The following NHS variants were observed in gnomAD, a reference collection of about 807,000 sequenced individuals.
The protein encoded by NHS is NHS actin remodeling regulator.
Under a neutral mutation model 72.5 loss-of-function variants are expected in NHS, and 5 were observed. The observed-to-expected ratio is 0.07, with a 90% CI of 0.04 to 0.14. NHS has a LOEUF of 0.14. Ranked by LOEUF, NHS falls within the 10% of genes least tolerant of loss-of-function variation. NHS has a pLI of 1.00. For synonymous variants in NHS, 464 were observed against 547.7 expected (o/e 0.85, Z 2.13); for missense variants, 1,072 against 1,355.7 (o/e 0.79, Z 3.29).
At position 17,403,025 on chromosome X, in the gene NHS, C is replaced by G. The variant is rs150881413; in HGVS notation, c.565+26703C>G. ...TGTCTGATCTTGGTCAGGTGACCATCCTCAATGGCTCTCCTCCAAATAGTG... is the reference window on the plus strand; with the variant it reads ...TGTCTGATCTTGGTCAGGTGACCATGCTCAATGGCTCTCCTCCAAATAGTG... On this transcript the variant is annotated intron_variant, in intron 1 of 8. Transcript: ENST00000676302. 3.3e-3 allele frequency among the ~76,000 whole-genome samples: 373 copies of G among 112,036 alleles called. 1 individual carries two copies. The highest frequency in any genetic ancestry group is 0.012 in the African/African-American group (363 of 30,860).
chrX:17,646,759 C>G (rs1244261259), intron 1 of NHS, among the ~76,000 whole-genome samples: 1 of 112,119 alleles, frequency 8.9e-6, no homozygotes, highest in African/African-American at 3.2e-5. Flanking sequence ...AAAACATCCC[C>G]TTTTCTGGAA....
intron 1 of NHS, among the ~76,000 whole-genome samples, chrX:17,491,603 A>G (rs1298475332): frequency 9.0e-6 from 1 of 111,139 alleles, no homozygotes; most frequent in Non-Finnish European, 1.9e-5. Flanking sequence ...TGTCTTTGCC[A>G]GGCTTTGGTA....
At chrX:17,435,017 G>A (rs1021592966) in intron 1 of NHS, among the ~76,000 whole-genome samples, 1 of 112,106 alleles carries the variant, frequency 8.9e-6, no homozygotes, top group Non-Finnish European at 1.9e-5. Context: ...CACCCAAAAG[G>A]AGGCATATGA....
At chrX:17,590,818 C>T (rs140350560) in intron 1 of NHS, among the ~76,000 whole-genome samples, 1 of 111,367 alleles carries the variant, frequency 9.0e-6, no homozygotes, top group African/African-American at 3.3e-5. Flanking sequence ...CACATCCCCC[C>T]CAACACACAC....
rs761292762 is a variant in NHS, at chrX:17,549,558, GC to G, written c.566-138182del. Among the ~76,000 whole-genome samples the G allele has an allele frequency of 3.6e-5, 4 of 111,957 alleles. No individual in the cohort carries two copies. In the East Asian group the frequency reaches 8.5e-4, roughly 24 times the overall value. ...CATCCCAGCACTCAATGGCATTACA[GC>G]CAGCTTTTCACAGCAGCGGTGGGTG... On this transcript the variant is annotated intron_variant, in intron 1 of 8. Coordinates refer to ENST00000676302, the MANE Select transcript of NHS (RefSeq NM_001291867.2).
chrX:17,489,913 G>T lies in NHS; in HGVS notation c.565+113591G>T, dbSNP rs192288467. ...GCTTTTTTTAATATGTTTGTTGGCCGTATAAATGTCTTCTTTTGAGAAGTG... is the reference window on the plus strand; with the variant it reads ...GCTTTTTTTAATATGTTTGTTGGCCTTATAAATGTCTTCTTTTGAGAAGTG... On this transcript the variant is annotated intron_variant, in intron 1 of 8. Coordinates refer to ENST00000676302, the MANE Select transcript of NHS (RefSeq NM_001291867.2). Among the ~76,000 whole-genome samples the T allele has an allele frequency of 4.4e-4, 49 of 112,143 alleles. No homozygotes were observed. The East Asian group carries it at 0.011, about 24-fold the overall frequency.
At chrX:17,499,642 C>A (rs923330207) in intron 1 of NHS, among the ~76,000 whole-genome samples, 3 of 111,138 alleles carry the variant, frequency 2.7e-5, no homozygotes, top group African/African-American at 9.8e-5. Context: ...CTGAATGGGG[C>A]ACAGGACACT....
intron 1 of NHS, among the ~76,000 whole-genome samples, chrX:17,553,280 C>G (rs1230942046): frequency 8.9e-6 from 1 of 112,788 alleles, no homozygotes; most frequent in African/African-American, 3.2e-5. Flanking sequence ...AAGGCCCTGC[C>G]CTCCCAGTGG....
At chrX:17,652,116 A>G (rs756095727) in intron 1 of NHS, among the ~76,000 whole-genome samples, 1 of 112,636 alleles carries the variant, frequency 8.9e-6, no homozygotes, top group East Asian at 2.8e-4. Context: ...CAGAGACTAC[A>G]TAGCCAGCAA....
intron 1 of NHS, among the ~76,000 whole-genome samples, chrX:17,618,705 C>A (rs189566799): frequency 3.6e-5 from 4 of 112,240 alleles, no homozygotes; most frequent in East Asian, 2.8e-4. Context: ...ATTTTATATA[C>A]TTGAACATTG....
chrX:17,556,257 T>C (rs774936172), intron 1 of NHS, among the ~76,000 whole-genome samples: 4 of 112,973 alleles, frequency 3.5e-5, no homozygotes, highest in African/African-American at 9.6e-5. Flanking sequence ...CAGGCTGATT[T>C]AGAAGTCTTA....
chrX:17,440,195 G>A (rs1301582218), intron 1 of NHS, among the ~76,000 whole-genome samples: 2 of 103,450 alleles, frequency 1.9e-5, no homozygotes, highest in African/African-American at 7.2e-5. Context: ...GGAGGCAGAG[G>A]TTGCAGCAAG....
chrX:17,518,239 C>T (rs1412606967), intron 1 of NHS, among the ~76,000 whole-genome samples: 1 of 111,994 alleles, frequency 8.9e-6, no homozygotes, highest in Non-Finnish European at 1.9e-5. Context: ...CTTCTGCTCA[C>T]ACTTAATTGG....
At chrX:17,487,791 T>A (rs1288640523) in intron 1 of NHS, among the ~76,000 whole-genome samples, 1 of 111,618 alleles carries the variant, frequency 9.0e-6, no homozygotes, top group Non-Finnish European at 1.9e-5. Context: ...AGAGTCTCAA[T>A]GTGAGCAATA....
rs144449445 is a variant in NHS at position 17,728,297 on chromosome X, C to G, written c.4191C>G (p.Thr1397=). Residue 1397 remains threonine, a synonymous_variant, in exon 7 of 9, where the codon ACC becomes ACG. Coordinates refer to ENST00000676302, the MANE Select transcript of NHS (RefSeq NM_001291867.2). ...CTGATAACAGCAAAGCAGAGGAGAC[C>G]CAAGGAAATGTGGATGAGGCTTCAT... The part of the protein sequence containing the change: ...SASDNSKAEE[T]QGNVDEASLK... The G allele has an allele frequency of 8.3e-7, 1 of 1,211,123 alleles. No individual in the cohort carries two copies. Among genetic ancestry groups the G allele is most frequent in the Non-Finnish European group, 1.1e-6 (1 of 895,144 alleles).
rs760767736 is a variant in NHS at position 17,646,544 on chromosome X, T to TATG, written c.566-41197_566-41195dup. On this transcript the variant is annotated intron_variant, in intron 1 of 8. Transcript: ENST00000676302. Reference sequence around the variant, plus strand: ...CTCCCAATTGAGTACATGATACTTTTATGTCTCCTCTGCTCTGGAAATGTC... The same window carrying TATG: ...CTCCCAATTGAGTACATGATACTTTTATGATGTCTCCTCTGCTCTGGAAATGTC... Among the ~76,000 whole-genome samples the TATG allele has an allele frequency of 8.9e-5, 10 of 111,813 alleles. No individual in the cohort carries two copies. The South Asian group carries it at 3.4e-3, about 38-fold the overall frequency.
At chrX:17,454,035 T>A (rs1487896034) in intron 1 of NHS, among the ~76,000 whole-genome samples, 1 of 112,251 alleles carries the variant, frequency 8.9e-6, no homozygotes, top group Non-Finnish European at 1.9e-5. Flanking sequence ...GTGCATATCT[T>A]CTTGTCTGAT....
intron 1 of NHS, among the ~76,000 whole-genome samples, chrX:17,613,549 C>T (rs906653656): frequency 9.0e-6 from 1 of 111,505 alleles, no homozygotes; most frequent in African/African-American, 3.3e-5. Flanking sequence ...TTTCTGCCCC[C>T]CTTCTTAGAG....
chrX:17,649,517 G>T (rs1176933304), intron 1 of NHS, among the ~76,000 whole-genome samples: 1 of 110,785 alleles, frequency 9.0e-6, no homozygotes, highest in Non-Finnish European at 1.9e-5. Flanking sequence ...CATTCTATAG[G>T]GCTCCATTTT....
Sources: gnomAD v4.1 joint callset for allele counts (sites outside exome capture counted in the v4.1 genomes callset) on GRCh38, gnomAD v4.1.1 for gene constraint, MANE v1.5 for transcripts, NCBI Gene and HGNC (gene_info 2026-07-23, HGNC 2026-07-21) for gene names.